HTR1F: variants seen among roughly 807,000 people sequenced by gnomAD.
HTR1F encodes the protein 5-hydroxytryptamine receptor 1F, also known as 5-hydroxytryptamine (serotonin) receptor 1F, G protein-coupled.
HTR1F carries 17 observed loss-of-function variants against 24.0 expected under a neutral mutation model. The ratio of observed to expected loss-of-function variants is 0.71; its 90% CI spans 0.48 to 1.06. The LOEUF (loss-of-function observed/expected upper bound fraction) is 1.06. Among genes scored for constraint, HTR1F ranks in the 50% least tolerant of loss-of-function variants. The probability of loss-of-function intolerance (pLI) is 0.00; values close to 1 mark genes in which losing one functional copy is unlikely to be tolerated. For synonymous variants in HTR1F, 186 were observed against 156.8 expected (o/e 1.19, Z -1.39); for missense variants, 391 against 427.8 (o/e 0.91, Z 0.76).
chr3:87,813,061 G>A (rs1704187610), intron 1 of HTR1F, among the ~76,000 whole-genome samples: 1 of 152,212 alleles, frequency 6.6e-6, no homozygotes, highest in Admixed American at 6.5e-5. Flanking sequence ...TGGGGTCAGA[G>A]CCCCCACACA....
intron 2 of HTR1F, among the ~76,000 whole-genome samples, chr3:87,852,936 T>G (rs1271447603): frequency 6.6e-6 from 1 of 151,404 alleles, no homozygotes; most frequent in East Asian, 1.9e-4. Flanking sequence ...TTTTCTATAA[T>G]CTGACATGGT....
intron 2 of HTR1F, among the ~76,000 whole-genome samples, chr3:87,953,450 A>T (rs7635463): frequency 6.6e-6 from 1 of 151,010 alleles, no homozygotes; most frequent in African/African-American, 2.4e-5. Context: ...AAAAACTGCT[A>T]AACTTTACTA....
intron 2 of HTR1F, among the ~76,000 whole-genome samples, chr3:87,872,314 C>T (rs1269845943): frequency 1.3e-5 from 2 of 152,032 alleles, no homozygotes; most frequent in African/African-American, 2.4e-5. Flanking sequence ...AGAAAGCTCT[C>T]AAATCAACAA....
chr3:87,828,538 G>T (rs1441440116), intron 2 of HTR1F, among the ~76,000 whole-genome samples: 1 of 152,094 alleles, frequency 6.6e-6, no homozygotes, highest in Non-Finnish European at 1.5e-5. Flanking sequence ...AATTTGTGTG[G>T]ATTTTATCAC....
intron 2 of HTR1F, among the ~76,000 whole-genome samples, chr3:87,883,633 C>G (rs1705863235): frequency 6.6e-6 from 1 of 152,028 alleles, no homozygotes; most frequent in Non-Finnish European, 1.5e-5. Flanking sequence ...CTAGAATAAA[C>G]AGTGTAGAGA....
chr3:87,959,245 G>C (rs534047653), intron 2 of HTR1F, among the ~76,000 whole-genome samples: 2 of 151,616 alleles, frequency 1.3e-5, no homozygotes, highest in Non-Finnish European at 3.0e-5. Context: ...ACATTTTTAT[G>C]GTTGGAATAG....
chr3:87,804,135 CAATATTTACACTTA>C (rs1345667281), intron 1 of HTR1F, among the ~76,000 whole-genome samples: 3 of 151,982 alleles, frequency 2.0e-5, no homozygotes, highest in Non-Finnish European at 2.9e-5. Flanking sequence ...TAATGAATTG[CAATATTTACACTTA>C]AAACTAAAAA....
chr3:87,937,906 A>G (rs1188580829), intron 2 of HTR1F, among the ~76,000 whole-genome samples: 1 of 149,350 alleles, frequency 6.7e-6, no homozygotes, highest in Non-Finnish European at 1.5e-5. Flanking sequence ...CTTGGGCAAT[A>G]GAGCGAGACT....
intron 2 of HTR1F, among the ~76,000 whole-genome samples, chr3:87,922,542 C>T (rs983895774): frequency 7.9e-5 from 12 of 151,794 alleles, no homozygotes; most frequent in African/African-American, 2.7e-4. Flanking sequence ...TCTGTTTTTG[C>T]TTTTGTTACC....
At chr3:87,930,720 G>C (rs1704242214) in intron 2 of HTR1F, among the ~76,000 whole-genome samples, 1 of 151,654 alleles carries the variant, frequency 6.6e-6, no homozygotes, top group Admixed American at 6.6e-5. Context: ...GCACTTTATA[G>C]ACTTGGTGAG....
At chr3:87,972,436 A>G (rs546630663) in intron 2 of HTR1F, among the ~76,000 whole-genome samples, 1 of 152,158 alleles carries the variant, frequency 6.6e-6, no homozygotes, top group East Asian at 1.9e-4. Context: ...TCATCCTTGA[A>G]TATATTGTCT....
intron 2 of HTR1F, among the ~76,000 whole-genome samples, chr3:87,936,107 C>T (rs1250674917): frequency 2.6e-5 from 4 of 152,186 alleles, no homozygotes; most frequent in Non-Finnish European, 5.9e-5. Context: ...ACCTTGGCCT[C>T]CCAAAGTGCT....
chr3:87,935,822 A>C (rs1049265399), intron 2 of HTR1F, among the ~76,000 whole-genome samples: 1 of 152,218 alleles, frequency 6.6e-6, no homozygotes, highest in Admixed American at 6.5e-5. Context: ...CTGAAAAAAA[A>C]AATTTGGCTT....
chr3:87,891,494 T>C (rs1706085658), intron 2 of HTR1F, among the ~76,000 whole-genome samples: 2 of 152,322 alleles, frequency 1.3e-5, no homozygotes, highest in South Asian at 4.1e-4. Context: ...ACAAGAATGA[T>C]TTACAAATCT....
At chr3:87,959,922 T>C (rs1366922384) in intron 2 of HTR1F, among the ~76,000 whole-genome samples, 1 of 151,986 alleles carries the variant, frequency 6.6e-6, no homozygotes, top group African/African-American at 2.4e-5. Flanking sequence ...AATTGTTTAT[T>C]TTCCATCTGA....
intron 2 of HTR1F, among the ~76,000 whole-genome samples, chr3:87,901,949 A>C (rs1174895933): frequency 6.6e-6 from 1 of 152,118 alleles, no homozygotes; most frequent in Non-Finnish European, 1.5e-5. Flanking sequence ...ATCTGAATAA[A>C]TGCAGTAATA....
At chr3:87,974,423 A>G (rs1705350148) in intron 2 of HTR1F, among the ~76,000 whole-genome samples, 1 of 152,130 alleles carries the variant, frequency 6.6e-6, no homozygotes, top group South Asian at 2.1e-4. Flanking sequence ...AGTGCATGTT[A>G]TTAAATTTAC....
intron 2 of HTR1F, among the ~76,000 whole-genome samples, chr3:87,981,395 G>A (rs4858926): frequency 0.34 from 51,122 of 151,980 alleles, 10,591 homozygotes; most frequent in South Asian, 0.51. Context: ...GGGTTTCACC[G>A]TGTTGCCCAC....
chr3:87,838,502 T>A (rs1390884607), intron 2 of HTR1F, among the ~76,000 whole-genome samples: 9 of 152,150 alleles, frequency 5.9e-5, no homozygotes, highest in Non-Finnish European at 1.3e-4. Context: ...TATGTGAAAT[T>A]TTGAGGTTTT....
Sources: gnomAD v4.1 joint callset for allele counts (sites outside exome capture counted in the v4.1 genomes callset) on GRCh38, gnomAD v4.1.1 for gene constraint, MANE v1.5 for transcripts, NCBI Gene and HGNC (gene_info 2026-07-23, HGNC 2026-07-21) for gene names.